Variants in TTLL11 observed in about 807,000 individuals in gnomAD.
TTLL11 encodes tubulin polyglutamylase TTLL11.
TTLL11 carries 42 observed loss-of-function variants against 51.7 expected under a neutral mutation model. That is an observed-to-expected ratio of 0.81 (90% CI 0.64 to 1.05). The LOEUF (loss-of-function observed/expected upper bound fraction) is 1.05. Ranked by LOEUF, TTLL11 falls within the 50% of genes least tolerant of loss-of-function variation. The probability of loss-of-function intolerance (pLI) is 0.00; values close to 1 mark genes in which losing one functional copy is unlikely to be tolerated. For missense variants in TTLL11, 799 were observed against 940.4 expected (o/e 0.85, Z 1.97); for synonymous variants, 381 against 383.5 (o/e 0.99, Z 0.08).
intron 1 of TTLL11, among the ~76,000 whole-genome samples, chr9:122,060,895 G>A (rs1845418115): frequency 6.6e-6 from 1 of 152,244 alleles, no homozygotes; most frequent in South Asian, 2.1e-4. Flanking sequence ...GAAGATCAGT[G>A]TATTAGTTTC....
At chr9:121,850,831 C>A (rs1009376246) in intron 8 of TTLL11, among the ~76,000 whole-genome samples, 1 of 152,188 alleles carries the variant, frequency 6.6e-6, no homozygotes. Flanking sequence ...ATCCAACCAT[C>A]ACGTCCTTGG....
chr9:121,994,803 T>C (rs143629088), intron 3 of TTLL11, among the ~76,000 whole-genome samples: 9 of 152,314 alleles, frequency 5.9e-5, no homozygotes, highest in East Asian at 3.9e-4. Flanking sequence ...GGCTGTCACA[T>C]AGAAAATTTA....
intron 7 of TTLL11, 68 bp from the exon 8 acceptor site, chr9:121,860,511 C>T (rs1304392793): frequency 5.5e-6 from 7 of 1,261,602 alleles, no homozygotes; most frequent in Non-Finnish European, 7.8e-6. Context: ...CTCCTCCACT[C>T]CTGTTAGGGA....
chr9:122,014,066 G>A (rs1172311997), intron 3 of TTLL11, among the ~76,000 whole-genome samples: 1 of 152,134 alleles, frequency 6.6e-6, no homozygotes, highest in Non-Finnish European at 1.5e-5. Context: ...AAAAGGTAGA[G>A]TCCTGACTTG....
At chr9:122,052,332 T>A (rs1472495752) in intron 1 of TTLL11, among the ~76,000 whole-genome samples, 1 of 152,166 alleles carries the variant, frequency 6.6e-6, no homozygotes, top group Non-Finnish European at 1.5e-5. Context: ...GAGAAAAGGT[T>A]TCCCCATGCC....
At chr9:121,940,486 C>T (rs935684957) in intron 6 of TTLL11, among the ~76,000 whole-genome samples, 5 of 152,048 alleles carry the variant, frequency 3.3e-5, no homozygotes, top group Admixed American at 6.5e-5. Flanking sequence ...TATAGGCACA[C>T]GCTACCCTGA....
chr9:122,043,275 G>A (rs1407614768), intron 1 of TTLL11, among the ~76,000 whole-genome samples: 1 of 152,068 alleles, frequency 6.6e-6, no homozygotes, highest in African/African-American at 2.4e-5. Context: ...AAATCAGTGT[G>A]GTACTGGCAT....
intron 8 of TTLL11, among the ~76,000 whole-genome samples, chr9:121,856,366 A>G (rs1382127848): frequency 6.6e-6 from 1 of 152,150 alleles, no homozygotes. Context: ...AGCCACTGCT[A>G]CTGGCCCCCA....
intron 4 of TTLL11, among the ~76,000 whole-genome samples, chr9:121,985,386 C>G (rs536611479): frequency 2.0e-5 from 3 of 152,086 alleles, no homozygotes; most frequent in African/African-American, 7.2e-5. Flanking sequence ...AGAACCTAAC[C>G]GGGTCCCTTA....
intron 3 of TTLL11, among the ~76,000 whole-genome samples, chr9:122,008,903 A>G (rs1244445607): frequency 6.6e-6 from 1 of 152,258 alleles, no homozygotes; most frequent in Non-Finnish European, 1.5e-5. Context: ...AACTTGGATG[A>G]ACCTGAAGGA....
intron 6 of TTLL11, among the ~76,000 whole-genome samples, chr9:121,965,176 G>T (rs187230278): frequency 8.5e-5 from 13 of 152,274 alleles, no homozygotes; most frequent in Admixed American, 6.5e-4. Context: ...AATGTGTGCT[G>T]GTCTGCAGGG....
In TTLL11 at chr9:121,816,916, T is replaced by G. The variant is rs992805186; in HGVS notation, c.*5671A>C. The stretch of plus-strand genomic sequence containing the variant: ...CCATAGGGGAAAATTTCTCTCACAT[T>G]CATCAAACCAAATGGGAGATTGGCA... On this transcript the variant is annotated 3_prime_UTR_variant, in exon 9 of 9. Coordinates refer to ENST00000321582, the MANE Select transcript of TTLL11 (RefSeq NM_001139442.2). 5.9e-5 allele frequency: 9 copies of G among 152,214 alleles called. No individual in the cohort carries two copies. Among genetic ancestry groups the G allele is most frequent in the Non-Finnish European group, 1.0e-4 (7 of 68,038 alleles). 9.4% of individuals were successfully genotyped at this position (152,214 alleles called of 1,614,324 possible). A position where few individuals can be genotyped will look rare whatever the true frequency, so the allele number is the denominator to read the frequency against.
intron 8 of TTLL11, among the ~76,000 whole-genome samples, chr9:121,837,893 C>T (rs919995879): frequency 6.6e-6 from 1 of 152,224 alleles, no homozygotes; most frequent in Admixed American, 6.5e-5. Context: ...AAGCCTCCCT[C>T]CTGGAGACAC....
At chr9:121,912,526 A>G (rs1197709217) in intron 6 of TTLL11, among the ~76,000 whole-genome samples, 5 of 152,068 alleles carry the variant, frequency 3.3e-5, no homozygotes, top group African/African-American at 9.7e-5. Context: ...GTGTGTCACC[A>G]AAACCTAGCA....
intron 6 of TTLL11, among the ~76,000 whole-genome samples, chr9:121,908,552 G>A (rs1463151735): frequency 6.6e-6 from 1 of 152,208 alleles, no homozygotes; most frequent in African/African-American, 2.4e-5. Context: ...GCCCTGCGCT[G>A]GGAATTCATA....
intron 6 of TTLL11, among the ~76,000 whole-genome samples, chr9:121,925,292 C>T (rs1196531807): frequency 6.6e-6 from 1 of 152,268 alleles, no homozygotes; most frequent in South Asian, 2.1e-4. Context: ...TCAGATGCTA[C>T]TAACACCTCT....
intron 6 of TTLL11, among the ~76,000 whole-genome samples, chr9:121,942,549 A>G (rs73662537): frequency 0.075 from 11,438 of 151,820 alleles, 629 homozygotes; most frequent in African/African-American, 0.16. Flanking sequence ...TGATTGCTCA[A>G]TACATGTTTG....
At chr9:122,063,534 C>T (rs1245090646) in intron 1 of TTLL11, among the ~76,000 whole-genome samples, 3 of 152,136 alleles carry the variant, frequency 2.0e-5, no homozygotes, top group East Asian at 1.9e-4. Context: ...AAAAATGGTG[C>T]AAAAACCATT....
At chr9:121,954,840 T>C (rs942919594) in intron 6 of TTLL11, among the ~76,000 whole-genome samples, 3 of 152,218 alleles carry the variant, frequency 2.0e-5, no homozygotes, top group African/African-American at 7.2e-5. Context: ...ATGAAATCTT[T>C]CTTTTAATTT....
Sources: allele counts gnomAD v4.1 joint callset (sites outside exome capture counted in the v4.1 genomes callset), GRCh38; gene constraint gnomAD v4.1.1; transcripts MANE v1.5; gene names NCBI Gene and HGNC (gene_info 2026-07-23, HGNC 2026-07-21).